Variants in CLCN4 observed in about 807,000 individuals in gnomAD.
The protein encoded by CLCN4 is H(+)/Cl(-) exchange transporter 4.
CLCN4 carries 1 observed loss-of-function variant against 41.7 expected under a neutral mutation model. The ratio of observed to expected loss-of-function variants is 0.02; its 90% CI spans 0.01 to 0.11. The LOEUF (loss-of-function observed/expected upper bound fraction) is 0.11, where lower values mean the gene tolerates loss of function less well. Among genes scored for constraint, CLCN4 ranks in the 10% least tolerant of loss-of-function variants. The pLI, the probability that CLCN4 is intolerant of heterozygous loss-of-function variation, is 1.00. For missense variants in CLCN4, 287 were observed against 661.0 expected (o/e 0.43, Z 6.20); for synonymous variants, 277 against 285.8 (o/e 0.97, Z 0.31).
At chrX:10,213,562 G>A in intron 10 of CLCN4, 119 bp from the exon 11 acceptor site, 1 of 654,976 alleles carries the variant, frequency 1.5e-6, no homozygotes, top group Non-Finnish European at 2.4e-6. Flanking sequence ...GCATGTAGGA[G>A]AGTCTGCTTG....
intron 9 of CLCN4, 113 bp downstream of exon 9, chrX:10,208,703 A>G (rs1469638432): frequency 1.8e-5 from 11 of 612,302 alleles, no homozygotes; most frequent in African/African-American, 4.5e-5. Context: ...CCTTTCTTGA[A>G]TGTTCTCATG....
At position 10,220,645 on chromosome X, in the gene CLCN4, G is replaced by A. The variant is rs754510157; in HGVS notation, c.1976-16G>A. The A allele has an allele frequency of 3.4e-6, 4 of 1,192,363 alleles. No individual in the cohort carries two copies. Among genetic ancestry groups the A allele is most frequent in the South Asian group, 3.5e-5 (2 of 56,527 alleles). ...GGTTTTTGTGTGGCTCATTGTTCCT[G>A]CTCACCCCATTCTAGAGAACGCCAG... On this transcript the variant is annotated splice_polypyrimidine_tract_variant and intron_variant, in intron 11 of 12. Transcript: ENST00000380833.
intron 6 of CLCN4, among the ~76,000 whole-genome samples, chrX:10,204,809 T>C (rs1204242622): frequency 9.1e-6 from 1 of 109,670 alleles, no homozygotes; most frequent in Non-Finnish European, 1.9e-5. Flanking sequence ...TTTTAGGGGT[T>C]TGCGGCTGGG....
chrX:10,207,925 C>A, intron 8 of CLCN4, 120 bp from the exon 9 acceptor site: 1 of 592,599 alleles, frequency 1.7e-6, no homozygotes, highest in Non-Finnish European at 2.7e-6. Context: ...TAAGTCCAGG[C>A]TCATGGAATG....
intron 12 of CLCN4, among the ~76,000 whole-genome samples, chrX:10,230,866 GTTTAC>G (rs952849705): frequency 3.6e-5 from 4 of 111,688 alleles, no homozygotes; most frequent in African/African-American, 9.8e-5. Flanking sequence ...AACATCCATA[GTTTAC>G]TTTAGAGTGT....
chrX:10,201,697 G>C (rs1274237242), intron 6 of CLCN4, among the ~76,000 whole-genome samples: 4 of 112,360 alleles, frequency 3.6e-5, no homozygotes. Context: ...GTGTAAGAAT[G>C]AACTTTGACT....
chrX:10,215,146 G>A (rs1924672085), intron 11 of CLCN4, among the ~76,000 whole-genome samples: 1 of 112,052 alleles, frequency 8.9e-6, no homozygotes, highest in East Asian at 2.8e-4. Flanking sequence ...GAGTATTCTT[G>A]AAGCTTGTCA....
intron 11 of CLCN4, among the ~76,000 whole-genome samples, chrX:10,216,918 T>TATATATATATATACACAC (rs773265490): frequency 2.6e-5 from 1 of 38,931 alleles, no homozygotes; most frequent in African/African-American, 1.1e-4. Flanking sequence ...TATATATATA[T>TATATATATATATACACAC]ACACACACAC....
At position 10,229,837 on chromosome X, in the gene CLCN4, T is replaced by C. The variant is rs1029490973; in HGVS notation, c.2193-3657T>C. Among the ~76,000 whole-genome samples the C allele has an allele frequency of 2.7e-5, 3 of 112,180 alleles. No individual in the cohort carries two copies. The South Asian group carries it at 1.1e-3, about 41-fold the overall frequency. On this transcript the variant is annotated intron_variant, in intron 12 of 12. Transcript: ENST00000380833. ...GGTTCCAAGTCTTTGCTATTGTGAA[T>C]AGTGCTGCAATAAACATACATGTGC...
At chrX:10,169,284 T>C (rs1235479912) in intron 2 of CLCN4, among the ~76,000 whole-genome samples, 2 of 111,910 alleles carry the variant, frequency 1.8e-5, no homozygotes, top group Non-Finnish European at 3.8e-5. Context: ...CTCCTCCACT[T>C]GGATAAAAAC....
intron 2 of CLCN4, among the ~76,000 whole-genome samples, chrX:10,159,323 T>G (rs1923035960): frequency 8.9e-6 from 1 of 112,031 alleles, no homozygotes; most frequent in African/African-American, 3.3e-5. Context: ...AGAGTTCTTG[T>G]TAATTCTCTC....
At chrX:10,185,446 A>G (rs1027873242) in intron 3 of CLCN4, among the ~76,000 whole-genome samples, 3 of 111,638 alleles carry the variant, frequency 2.7e-5, no homozygotes, top group Admixed American at 9.5e-5. Flanking sequence ...TTTCTCATCC[A>G]TGAGGATGGA....
Position 10,187,699 on chromosome X carries a change from A to G in CLCN4, c.244+85A>G. ...ACGAACCCTCTGGGAGATTTGGAAT[A>G]TAGCGCGTGTCGCTTGTCGCTTTTA... On this transcript the variant is annotated intron_variant, in intron 4 of 12. Transcript: ENST00000380833. 3 of 747,434 alleles carry G rather than the reference A, an allele frequency of 4.0e-6. No individual in the cohort carries two copies. In the South Asian group the frequency reaches 6.8e-5, roughly 17 times the overall value. 61.6% of individuals were successfully genotyped at this position (747,434 alleles called of 1,213,427 possible).
At chrX:10,171,136 C>G (rs1488977629) in intron 2 of CLCN4, among the ~76,000 whole-genome samples, 1 of 112,208 alleles carries the variant, frequency 8.9e-6, no homozygotes, top group Non-Finnish European at 1.9e-5. Context: ...GATCCACCCA[C>G]CTCGGCCTCT....
intron 2 of CLCN4, among the ~76,000 whole-genome samples, chrX:10,163,800 T>C (rs1375672048): frequency 8.9e-6 from 1 of 112,484 alleles, no homozygotes; most frequent in Non-Finnish European, 1.9e-5. Context: ...AGGGTCCAGA[T>C]GATTCATTTT....
chrX:10,192,418 T>C (rs1923991663), intron 4 of CLCN4, among the ~76,000 whole-genome samples: 1 of 111,065 alleles, frequency 9.0e-6, no homozygotes, highest in Admixed American at 9.6e-5. Context: ...GGAGGTGATA[T>C]AAATGCTGGA....
chrX:10,188,021 A>C (rs751505804), intron 4 of CLCN4, among the ~76,000 whole-genome samples: 1 of 111,894 alleles, frequency 8.9e-6, no homozygotes, highest in Admixed American at 9.5e-5. Context: ...GGGTTGAACA[A>C]TCCTCCCACC....
intron 9 of CLCN4, 34 bp from the exon 10 acceptor site, chrX:10,212,433 T>C (rs1194498424): frequency 1.7e-5 from 20 of 1,186,452 alleles, no homozygotes; most frequent in Non-Finnish European, 2.3e-5. Context: ...TTGGTCTTTT[T>C]CCCTCATGTT....
intron 12 of CLCN4, among the ~76,000 whole-genome samples, chrX:10,221,547 G>T (rs190313068): frequency 1.1e-3 from 124 of 111,573 alleles, no homozygotes; most frequent in African/African-American, 3.8e-3. Flanking sequence ...CTACTTGGGA[G>T]GCTGAGACAG....
Sources: gnomAD v4.1 joint callset for allele counts (sites outside exome capture counted in the v4.1 genomes callset) on GRCh38, gnomAD v4.1.1 for gene constraint, MANE v1.5 for transcripts, NCBI Gene and HGNC (gene_info 2026-07-23, HGNC 2026-07-21) for gene names.